KIF21B: variants seen among roughly 807,000 people sequenced by gnomAD.
The protein encoded by KIF21B is kinesin-like protein KIF21B.
Under a neutral mutation model 192.9 loss-of-function variants are expected in KIF21B, and 85 were observed. The ratio of observed to expected loss-of-function variants is 0.44; its 90% confidence interval spans 0.37 to 0.53. KIF21B has a LOEUF of 0.53. Ranked by LOEUF, KIF21B falls within the 20% of genes least tolerant of loss-of-function variation. KIF21B has a pLI of 0.00. For missense variants in KIF21B, 1,716 were observed against 2,194.8 expected (o/e 0.78, Z 4.36); for synonymous variants, 832 against 884.6 (o/e 0.94, Z 1.05).
At chr1:200,976,140 G>A (rs964442840) in intron 32 of KIF21B, among the ~76,000 whole-genome samples, 1 of 152,174 alleles carries the variant, frequency 6.6e-6, no homozygotes, top group African/African-American at 2.4e-5. Flanking sequence ...GCCCAGGCTG[G>A]AGTGCCGTGG....
At position 200,998,462 on chromosome 1, in the gene KIF21B, A is replaced by G. The variant is rs1480971608; in HGVS notation, c.1999T>C (p.Tyr667His). 1 of 1,613,948 alleles carries G rather than the reference A, an allele frequency of 6.2e-7. No individual in the cohort carries two copies. Among genetic ancestry groups the G allele is most frequent in the Non-Finnish European group, 8.5e-7 (1 of 1,179,998 alleles). ...TGCAGCAGAATCAGCTTTTCCTCAT[A>G]CTGGTGCTTGAGCGTCTGCAACCGC... The part of the protein sequence containing the change: ...QRRLQTLKHQ[Y>H]EEKLILLQNK... The change falls in exon 14 of 35, where the codon TAT becomes CAT. Residue 667 changes from tyrosine (Y) to histidine (H), a missense_variant. Coordinates refer to ENST00000461742, the MANE Select transcript of KIF21B (RefSeq NM_001252102.2). The surrounding 1 kb of genome is among the most constrained non-coding windows in gnomAD (Gnocchi z 4.3).
intron 15 of KIF21B, among the ~76,000 whole-genome samples, chr1:200,995,920 G>A (rs1180279697): frequency 2.0e-5 from 3 of 152,078 alleles, no homozygotes; most frequent in Non-Finnish European, 4.4e-5. Flanking sequence ...ACCAAGTGGG[G>A]TCCCCTGAAA....
chr1:201,010,800 G>T (rs958879053), intron 1 of KIF21B, among the ~76,000 whole-genome samples: 10 of 152,222 alleles, frequency 6.6e-5, no homozygotes, highest in Non-Finnish European at 1.5e-4. Context: ...AGCCCCCAAG[G>T]CCCACTCAGA....
rs774342632 is a variant in KIF21B at position 201,000,750 on chromosome 1, A to C, written c.1433T>G (p.Ile478Ser). Residue 478 changes from isoleucine (I) to serine (S), a missense_variant, in exon 10 of 35, where the codon ATC (isoleucine) becomes AGC (serine). By Grantham distance (142) the Ile-to-Ser change is moderately radical. Around this residue, in one of 3 missense-constraint regions of KIF21B, gnomAD observed 1,087 missense variants for 1,316.6 expected, o/e 0.83. Transcript: ENST00000461742. This position sits in a 1 kb window ranked among gnomAD's most constrained non-coding sequence, Gnocchi z 6.0. ...GDGNEAIGAL[I>S]QNYIREIEEL... ...CTCGATCTCCCGGATGTAGTTCTGG[A>C]TCAGCGCACCAATGGCCTCATTGCC... 7 of 1,614,102 alleles carry C rather than the reference A, an allele frequency of 4.3e-6. No homozygotes were observed. The highest frequency in any genetic ancestry group is 5.9e-6 in the Non-Finnish European group (7 of 1,180,032).
chr1:201,000,271 G>T lies in KIF21B; in HGVS notation c.1685+119C>A. ...CAAGCAATACTGAGGCAGCCCCTGG[G>T]GCTGGGGGCGTGGAGGTTCCCTCCT... On this transcript the variant is annotated intron_variant, in intron 11 of 34. Transcript: ENST00000461742. This position sits in a 1 kb window ranked among gnomAD's most constrained non-coding sequence, Gnocchi z 6.0. 1 of 1,061,296 alleles carries T rather than the reference G, an allele frequency of 9.4e-7. No homozygotes were observed. The highest frequency in any genetic ancestry group is 1.4e-6 in the Non-Finnish European group (1 of 734,010). The allele number at this position is 1,061,296 out of a possible 1,614,324, so 65.7% of individuals were successfully genotyped here. A position where few individuals can be genotyped will look rare whatever the true frequency, so the allele number is the denominator to read the frequency against.
chr1:201,007,805 CACAT>C (rs1168628937), intron 3 of KIF21B, among the ~76,000 whole-genome samples: 6 of 151,832 alleles, frequency 4.0e-5, no homozygotes, highest in Admixed American at 2.6e-4. Context: ...CATAGACACA[CACAT>C]AGACACACAA....
In KIF21B at chr1:200,979,649, T is replaced by C. The variant is rs1655786544; in HGVS notation, c.4046A>G (p.Asn1349Ser). Residue 1349 changes from asparagine to serine, a missense_variant, in exon 30 of 35, where the codon AAC becomes AGC. Physicochemically the swap from Asn to Ser is conservative, Grantham distance 46. Transcript: ENST00000461742. ...QEIAALKGHP[N>S]NVVSIKYCSH... The stretch of plus-strand genomic sequence containing the variant: ...GCAGTACTTGATGGAGACCACGTTG[T>C]TGGGGTGGCCCTTTAGAGCTGCGAT... The C allele has an allele frequency of 6.3e-7, 1 of 1,587,864 alleles. No individual in the cohort carries two copies. Among genetic ancestry groups the C allele is most frequent in the Non-Finnish European group, 8.6e-7 (1 of 1,167,436 alleles).
chr1:200,996,844 C>T (rs927581678), intron 14 of KIF21B, among the ~76,000 whole-genome samples: 1 of 152,176 alleles, frequency 6.6e-6, no homozygotes, highest in Non-Finnish European at 1.5e-5. Flanking sequence ...GAACTACCAA[C>T]AGACATCTCC....
chr1:201,016,226 C>T (rs936478647), intron 1 of KIF21B, among the ~76,000 whole-genome samples: 1 of 152,238 alleles, frequency 6.6e-6, no homozygotes, highest in African/African-American at 2.4e-5. Context: ...TGGGAAATAG[C>T]TTGGCTTGGA....
intron 15 of KIF21B, among the ~76,000 whole-genome samples, chr1:200,995,500 A>T (rs1341713069): frequency 6.6e-6 from 1 of 152,244 alleles, no homozygotes; most frequent in Admixed American, 6.5e-5. Context: ...TGAGCCCTGA[A>T]GTCAGAAGCA....
chr1:200,999,096 T>C lies in KIF21B; in HGVS notation c.1885+253A>G, dbSNP rs1253975997. The stretch of plus-strand genomic sequence containing the variant: ...GATATAGGGAAGCTCACCACCCCTA[T>C]GCATACAGTTGCAGTGAAGACTGAA... On this transcript the variant is annotated intron_variant, in intron 13 of 34. Coordinates refer to ENST00000461742, the MANE Select transcript of KIF21B (RefSeq NM_001252102.2). This position sits in a 1 kb window ranked among gnomAD's most constrained non-coding sequence, Gnocchi z 4.7. 2.0e-5 allele frequency among the ~76,000 whole-genome samples: 3 copies of C among 152,166 alleles called. No individual in the cohort carries two copies. The highest frequency in any genetic ancestry group is 1.9e-4 in the East Asian group (1 of 5,198).
chr1:201,007,233 C>T (rs1467151187), intron 3 of KIF21B, among the ~76,000 whole-genome samples: 2 of 148,492 alleles, frequency 1.3e-5, no homozygotes, highest in East Asian at 2.0e-4. Context: ...CACACACAGA[C>T]ACACACACAC....
rs559061817 is a variant in KIF21B, at chr1:201,018,888, T to C, written c.41+4455A>G. Among the ~76,000 whole-genome samples the C allele has an allele frequency of 3.3e-5, 5 of 152,356 alleles. No individual in the cohort carries two copies. The South Asian group carries it at 1.0e-3, about 32-fold the overall frequency. On this transcript the variant is annotated intron_variant, in intron 1 of 34. Coordinates refer to ENST00000461742, the MANE Select transcript of KIF21B (RefSeq NM_001252102.2). ...AATTTACTAAATAGTTCACTAAAGC[T>C]TAAACTACAGAGACATCTCTTAGGT...
At chr1:200,996,086 G>C in intron 15 of KIF21B, 110 bp downstream of exon 15, 1 of 1,123,392 alleles carries the variant, frequency 8.9e-7, no homozygotes, top group South Asian at 1.3e-5. Flanking sequence ...GCTGTGTGTT[G>C]AGAAGAGAAT....
intron 27 of KIF21B, among the ~76,000 whole-genome samples, chr1:200,984,525 C>A (rs1317707957): frequency 1.3e-5 from 2 of 152,194 alleles, no homozygotes; most frequent in Non-Finnish European, 2.9e-5. Context: ...AGACTCAAAG[C>A]AGCAGCAGAG....
chr1:200,987,402 G>A (rs944704964), intron 24 of KIF21B, among the ~76,000 whole-genome samples: 22 of 107,218 alleles, frequency 2.1e-4, no homozygotes, highest in Non-Finnish European at 1.8e-4. Flanking sequence ...CACCATAGCC[G>A]GATAATTAAA....
intron 32 of KIF21B, 142 bp downstream of exon 32, chr1:200,976,634 T>G: frequency 2.0e-6 from 1 of 507,556 alleles, no homozygotes; most frequent in East Asian, 3.1e-5. Flanking sequence ...TGCACATAAA[T>G]TCTTGCCTTC....
Position 200,977,136 on chromosome 1 carries a change from G to C in KIF21B, c.4325+76C>G, listed in dbSNP as rs572474377. 1.4e-4 allele frequency: 212 copies of C among 1,527,582 alleles called. No individual in the cohort carries two copies. The African/African-American group carries it at 2.6e-3, about 19-fold the overall frequency. 94.6% of individuals were successfully genotyped at this position (1,527,582 alleles called of 1,614,324 possible). On this transcript the variant is annotated intron_variant, in intron 31 of 34. Transcript: ENST00000461742. ...CTGAGGTCCTACCCACCCTGGGGTG[G>C]GTCCCCCTGAACCAAGACCTGGGGA...
intron 21 of KIF21B, among the ~76,000 whole-genome samples, chr1:200,989,178 A>C (rs1656512212): frequency 6.6e-6 from 1 of 152,102 alleles, no homozygotes; most frequent in Admixed American, 6.5e-5. Flanking sequence ...ACTCATATTC[A>C]TCTACAGCCA....
Sources: allele counts gnomAD v4.1 joint callset (sites outside exome capture counted in the v4.1 genomes callset), GRCh38; gene constraint gnomAD v4.1.1; regional missense constraint gnomAD v4.1.1; non-coding constraint Gnocchi (gnomAD v3.1); transcripts MANE v1.5; gene names NCBI Gene and HGNC (gene_info 2026-07-23, HGNC 2026-07-21).